Variants in KLHL8 observed in about 807,000 individuals in gnomAD.
KLHL8 encodes kelch-like protein 8.
In KLHL8, 38 loss-of-function variants were observed where a neutral mutation model predicts 63.5. The ratio of observed to expected loss-of-function variants is 0.60; its 90% CI spans 0.46 to 0.78. The LOEUF is 0.78. Among genes scored for constraint, KLHL8 ranks in the 30% least tolerant of loss-of-function variants. The pLI, the probability that KLHL8 is intolerant of heterozygous loss-of-function variation, is 0.00. For synonymous variants in KLHL8, 224 were observed against 254.3 expected (o/e 0.88, Z 1.13); for missense variants, 566 against 752.4 (o/e 0.75, Z 2.90).
intron 1 of KLHL8, among the ~76,000 whole-genome samples, chr4:87,197,775 C>T (rs1462537632): frequency 1.3e-5 from 2 of 152,042 alleles, no homozygotes; most frequent in Non-Finnish European, 2.9e-5. Flanking sequence ...CACATTCCTG[C>T]TGCAAAATCA....
chr4:87,232,106 A>G (rs1560725697), intron 1 of KLHL8, among the ~76,000 whole-genome samples: 1 of 152,234 alleles, frequency 6.6e-6, no homozygotes, highest in South Asian at 2.1e-4. Context: ...TATAAAAAGG[A>G]TAATTAAATA....
At chr4:87,163,813 A>G in intron 9 of KLHL8, 65 bp downstream of exon 9, 1 of 1,551,684 alleles carries the variant, frequency 6.4e-7, no homozygotes, top group South Asian at 1.1e-5. Flanking sequence ...ACATTTTAAC[A>G]CTCTGAAGTA....
intron 3 of KLHL8, 39 bp downstream of exon 3, chr4:87,185,212 T>C: frequency 5.3e-6 from 8 of 1,518,160 alleles, no homozygotes; most frequent in Non-Finnish European, 7.1e-6. Flanking sequence ...TGCTTCCATA[T>C]CACTTCATTT....
intron 1 of KLHL8, among the ~76,000 whole-genome samples, chr4:87,232,278 T>C (rs1169599753): frequency 6.6e-6 from 1 of 152,242 alleles, no homozygotes; most frequent in Non-Finnish European, 1.5e-5. Flanking sequence ...ATGGACAGAA[T>C]CATACTGTAT....
chr4:87,168,262 T>C (rs1730482039), intron 8 of KLHL8, among the ~76,000 whole-genome samples: 1 of 152,142 alleles, frequency 6.6e-6, no homozygotes, highest in Non-Finnish European at 1.5e-5. Flanking sequence ...TCAAGGGGCC[T>C]TCAGGTCCTT....
In KLHL8 at chr4:87,195,419, A is replaced by G. The variant is rs201280463; in HGVS notation, c.121T>C (p.Ser41Pro). The G allele has an allele frequency of 1.5e-4, 248 of 1,613,710 alleles. No individual in the cohort carries two copies. The highest frequency in any genetic ancestry group is 6.6e-4 in the Middle Eastern group (4 of 6,028). The change falls in exon 2 of 10, where the codon TCC becomes CCC. Residue 41 changes from serine (S) to proline (P), a missense_variant. Coordinates refer to ENST00000273963, the MANE Select transcript of KLHL8 (RefSeq NM_020803.5). ...GCTTCATTTGCTTCAAAAATAAAGG[A>G]ATCTTCTCCATCACCATCACTAATT... ...SSISDGDGEDSFIFEANEAWK... is the reference protein window; with the variant it reads ...SSISDGDGEDPFIFEANEAWK...
intron 8 of KLHL8, chr4:87,167,701 T>A: frequency 2.7e-6 from 1 of 371,396 alleles, no homozygotes; most frequent in South Asian, 2.5e-5. Flanking sequence ...TGCAGATGTC[T>A]AGCAAGAAGC....
At chr4:87,178,005 A>T (rs926606431) in intron 5 of KLHL8, among the ~76,000 whole-genome samples, 1 of 152,184 alleles carries the variant, frequency 6.6e-6, no homozygotes, top group African/African-American at 2.4e-5. Flanking sequence ...TTCATTTTTT[A>T]TGAAAATGTT....
At chr4:87,182,429 C>T (rs1484282393) in intron 4 of KLHL8, among the ~76,000 whole-genome samples, 1 of 151,986 alleles carries the variant, frequency 6.6e-6, no homozygotes, top group Non-Finnish European at 1.5e-5. Flanking sequence ...TGTTTTCAGG[C>T]TATCAAAGAC....
intron 1 of KLHL8, among the ~76,000 whole-genome samples, chr4:87,205,757 C>A (rs1732102575): frequency 6.6e-6 from 1 of 152,134 alleles, no homozygotes; most frequent in South Asian, 2.1e-4. Flanking sequence ...AGCCACTGCA[C>A]CCAGGAGTCT....
At chr4:87,201,263 TTG>T (rs1442764697) in intron 1 of KLHL8, among the ~76,000 whole-genome samples, 2 of 152,204 alleles carry the variant, frequency 1.3e-5, no homozygotes, top group African/African-American at 4.8e-5. Flanking sequence ...AAATTTTATG[TTG>T]TGTTTTTCAC....
At chr4:87,207,495 T>G in intron 1 of KLHL8, 3 of 794,636 alleles carry the variant, frequency 3.8e-6, no homozygotes, top group Non-Finnish European at 6.7e-6. Context: ...GCATGAACCA[T>G]GAGAAGTATG....
intron 1 of KLHL8, among the ~76,000 whole-genome samples, chr4:87,232,056 A>G (rs988201196): frequency 6.6e-6 from 1 of 152,214 alleles, no homozygotes; most frequent in East Asian, 1.9e-4. Context: ...TACATTTCCT[A>G]TACTTACTGG....
In KLHL8 at chr4:87,195,101, A is replaced by C. The variant is rs144162885; in HGVS notation, c.216+223T>G. Among the ~76,000 whole-genome samples the C allele has an allele frequency of 4.8e-3, 728 of 152,350 alleles. 9 individuals carry two copies. Among genetic ancestry groups the C allele is most frequent in the African/African-American group, 0.016 (667 of 41,582 alleles). ...TCAGAAGTTAACTAAGAGATAATGA[A>C]TATCAACATTAAATTAGTACAATAA... On this transcript the variant is annotated intron_variant, in intron 2 of 9. Transcript: ENST00000273963.
At chr4:87,164,169 T>C in intron 8 of KLHL8, 90 bp from the exon 9 acceptor site, 1 of 1,187,876 alleles carries the variant, frequency 8.4e-7, no homozygotes, top group Non-Finnish European at 1.2e-6. Context: ...ACCCAATCTT[T>C]TAAAATCATT....
rs140938900 is a variant in KLHL8, at chr4:87,231,158, G to A, written n.57+9100C>T. Among the ~76,000 whole-genome samples the A allele has an allele frequency of 1.5e-3, 230 of 152,254 alleles. 1 individual carries two copies. The highest frequency in any genetic ancestry group is 5.2e-3 in the African/African-American group (216 of 41,540). On this transcript the variant is annotated intron_variant and non_coding_transcript_variant, in intron 1 of 1. Coordinates refer to the KLHL8 transcript ENST00000506274. ...AAAATCACAGCGGCCTCACCTGCCC[G>A]GTGGGGGCAACTCTGAGGTGCATTC... is the stretch of plus-strand genomic sequence containing the variant.
Position 87,183,198 on chromosome 4 carries a change from G to A in KLHL8, c.952+5C>T. ...CCAGGAGAATTGACAAAATAATTTGGTTACCAGCAGTATGCTTCCTTGGGG... is the reference window on the plus strand; with the variant it reads ...CCAGGAGAATTGACAAAATAATTTGATTACCAGCAGTATGCTTCCTTGGGG... On this transcript the variant is annotated splice_donor_5th_base_variant and intron_variant, in intron 4 of 9. Transcript: ENST00000273963. 1 of 1,574,010 alleles carries A rather than the reference G, an allele frequency of 6.4e-7. No homozygotes were observed. The highest frequency in any genetic ancestry group is 1.2e-5 in the South Asian group (1 of 85,344).
intron 1 of KLHL8, among the ~76,000 whole-genome samples, chr4:87,226,478 C>T (rs1039260935): frequency 7.4e-5 from 11 of 148,006 alleles, no homozygotes; most frequent in African/African-American, 7.5e-5. Flanking sequence ...AGAAGAGTTG[C>T]GTGAATCCAG....
intron 1 of KLHL8, among the ~76,000 whole-genome samples, chr4:87,205,612 C>T (rs1213667061): frequency 1.3e-5 from 2 of 152,146 alleles, no homozygotes; most frequent in African/African-American, 4.8e-5. Context: ...TATAGGCGTG[C>T]ACCACCATAC....
Sources: allele counts gnomAD v4.1 joint callset (sites outside exome capture counted in the v4.1 genomes callset), GRCh38; gene constraint gnomAD v4.1.1; transcripts MANE v1.5; gene names NCBI Gene and HGNC (gene_info 2026-07-23, HGNC 2026-07-21).